The following AFG2A variants were observed in gnomAD, a reference collection of about 807,000 sequenced individuals.
The protein encoded by AFG2A is ATPase family gene 2 protein homolog A.
At chr4:122,939,324 C>T in the AFG2A span, among the ~76,000 whole-genome samples, 474 of 150,986 alleles carry the variant, frequency 3.1e-3, 2 homozygotes, top group African/African-American at 0.011. Flanking sequence ...TCAGGTGATC[C>T]GCCCGCCTCG....
chr4:123,256,621 A>G, the AFG2A span: 2 of 869,770 alleles, frequency 2.3e-6, no homozygotes, highest in African/African-American at 3.6e-5. Flanking sequence ...TAAAGGGCAA[A>G]GCAAACAGAT....
chr4:123,177,613 A>G, the AFG2A span, among the ~76,000 whole-genome samples: 5 of 152,212 alleles, frequency 3.3e-5, no homozygotes, highest in Non-Finnish European at 7.3e-5. Flanking sequence ...TCTTCACTTC[A>G]TCTTCCTTAA....
chr4:123,135,892 A>G, the AFG2A span, among the ~76,000 whole-genome samples: 1 of 152,206 alleles, frequency 6.6e-6, no homozygotes, highest in African/African-American at 2.4e-5. Flanking sequence ...AAACCCAATA[A>G]AGTTGCAGGG....
the AFG2A span, among the ~76,000 whole-genome samples, chr4:123,180,091 G>C: frequency 6.6e-6 from 1 of 151,978 alleles, no homozygotes; most frequent in African/African-American, 2.4e-5. Flanking sequence ...ATGGTGGCAA[G>C]TGCCTGTAAT....
At chr4:123,083,798 G>A in the AFG2A span, among the ~76,000 whole-genome samples, 6 of 151,816 alleles carry the variant, frequency 4.0e-5, no homozygotes, top group South Asian at 4.2e-4. Context: ...TGATATGTTC[G>A]TTTGGTTTTG....
chr4:123,236,475 T>C, the AFG2A span, among the ~76,000 whole-genome samples: 2 of 152,238 alleles, frequency 1.3e-5, no homozygotes, highest in African/African-American at 4.8e-5. Context: ...TATTATGTTT[T>C]AATTATTTAA....
At chr4:123,046,335 CTG>C in the AFG2A span, among the ~76,000 whole-genome samples, 2 of 151,734 alleles carry the variant, frequency 1.3e-5, no homozygotes, top group African/African-American at 4.9e-5. Flanking sequence ...AGTTGTAACT[CTG>C]TGCAGCTTTG....
the AFG2A span, among the ~76,000 whole-genome samples, chr4:123,264,266 T>C: frequency 6.6e-6 from 1 of 152,324 alleles, no homozygotes; most frequent in East Asian, 1.9e-4. Flanking sequence ...CAGTGTACAC[T>C]GCTTGGGTGA....
the AFG2A span, among the ~76,000 whole-genome samples, chr4:123,179,180 A>G: frequency 6.6e-6 from 1 of 152,202 alleles, no homozygotes. Flanking sequence ...TGAGGACCAT[A>G]GGCAGTTTTT....
the AFG2A span, among the ~76,000 whole-genome samples, chr4:122,928,288 T>G: frequency 6.6e-6 from 1 of 152,192 alleles, no homozygotes; most frequent in African/African-American, 2.4e-5. Flanking sequence ...CTGTTTCTCC[T>G]TGCTGTCATT....
chr4:123,088,719 C>G, the AFG2A span, among the ~76,000 whole-genome samples: 1 of 151,670 alleles, frequency 6.6e-6, no homozygotes, highest in Non-Finnish European at 1.5e-5. Context: ...CCTTCGTGCT[C>G]TCTCTCTCTC....
chr4:123,288,245 T>C, the AFG2A span, among the ~76,000 whole-genome samples: 1 of 152,062 alleles, frequency 6.6e-6, no homozygotes, highest in Non-Finnish European at 1.5e-5. Context: ...CAAGGAGAGT[T>C]GCTAATGGGA....
the AFG2A span, among the ~76,000 whole-genome samples, chr4:123,158,215 C>T: frequency 6.6e-6 from 1 of 152,318 alleles, no homozygotes; most frequent in South Asian, 2.1e-4. Flanking sequence ...GATAAAATGA[C>T]TTGTTCCAAA....
chr4:122,945,266 T>G, the AFG2A span, among the ~76,000 whole-genome samples: 1 of 152,240 alleles, frequency 6.6e-6, no homozygotes, highest in African/African-American at 2.4e-5. Flanking sequence ...GCAGGCAGGC[T>G]TCCTTGAGCT....
At chr4:123,185,094 G>A in the AFG2A span, among the ~76,000 whole-genome samples, 1 of 152,196 alleles carries the variant, frequency 6.6e-6, no homozygotes, top group Admixed American at 6.5e-5. Flanking sequence ...AGCCAATTTG[G>A]TGCTCACTCA....
the AFG2A span, among the ~76,000 whole-genome samples, chr4:123,101,581 A>G: frequency 6.6e-6 from 1 of 151,944 alleles, no homozygotes; most frequent in Non-Finnish European, 1.5e-5. Context: ...TTTGCTCTTT[A>G]TAGTTGCCGT....
chr4:123,056,472 A>G, the AFG2A span: 3 of 1,600,012 alleles, frequency 1.9e-6, no homozygotes, highest in Non-Finnish European at 2.6e-6. Context: ...GGCACTCAGC[A>G]CAGGAGAATC....
the AFG2A span, among the ~76,000 whole-genome samples, chr4:123,265,586 A>G: frequency 1.3e-5 from 2 of 152,118 alleles, no homozygotes; most frequent in Admixed American, 1.3e-4. Flanking sequence ...TGCTAACTCT[A>G]TGCCAGGTAT....
the AFG2A span, among the ~76,000 whole-genome samples, chr4:123,059,900 G>A: frequency 1.3e-5 from 2 of 152,114 alleles, no homozygotes; most frequent in Admixed American, 1.3e-4. Context: ...TTCTCTGATG[G>A]CCAGTGATGG....
Sources: allele counts gnomAD v4.1 joint callset (sites outside exome capture counted in the v4.1 genomes callset), GRCh38; gene constraint gnomAD v4.1.1; transcripts MANE v1.5; gene names NCBI Gene and HGNC (gene_info 2026-07-23, HGNC 2026-07-21).